ARHGAP26: variants seen among roughly 807,000 people sequenced by gnomAD.
The protein encoded by ARHGAP26 is Rho GTPase activating protein 26, also known as rho GTPase-activating protein 26.
A neutral mutation model predicts 104.8 loss-of-function variants in ARHGAP26; 38 were observed. That is an observed-to-expected ratio of 0.36 (90% CI 0.28 to 0.48). ARHGAP26 has a LOEUF of 0.48. ARHGAP26 is among the 20% of genes least tolerant of loss of function. The pLI, the probability that ARHGAP26 is intolerant of heterozygous loss-of-function variation, is 0.99. For synonymous variants in ARHGAP26, 341 were observed against 340.0 expected (o/e 1.00, Z -0.03); for missense variants, 704 against 947.9 (o/e 0.74, Z 3.38).
At chr5:142,952,814 A>G (rs908777305) in intron 11 of ARHGAP26, among the ~76,000 whole-genome samples, 11 of 152,032 alleles carry the variant, frequency 7.2e-5, no homozygotes, top group African/African-American at 2.2e-4. Context: ...GGTTCAAGCA[A>G]TTCTCTGCCT....
At position 143,163,930 on chromosome 5, in the gene ARHGAP26, G is replaced by GA. The variant is rs536794425; in HGVS notation, c.1988+16555dup. Among the ~76,000 whole-genome samples the GA allele has an allele frequency of 3.6e-3, 543 of 151,934 alleles. 3 individuals are homozygous for GA. Among genetic ancestry groups the GA allele is most frequent in the African/African-American group, 0.013 (524 of 41,462 alleles). ...TGGACTATAAGAATGACATAGAAAGGAAAAAATATCACAAAGAATGAAAAG... is the reference window on the plus strand; with the variant it reads ...TGGACTATAAGAATGACATAGAAAGGAAAAAAATATCACAAAGAATGAAAAG... On this transcript the variant is annotated intron_variant, in intron 20 of 22. Coordinates refer to ENST00000645722, the MANE Select transcript of ARHGAP26 (RefSeq NM_001135608.3).
At chr5:142,855,562 C>T (rs916089534) in intron 1 of ARHGAP26, among the ~76,000 whole-genome samples, 8 of 152,182 alleles carry the variant, frequency 5.3e-5, no homozygotes, top group African/African-American at 1.9e-4. Flanking sequence ...TCTGTCCAAC[C>T]ATCTGTGTGT....
rs546825516 is a variant in ARHGAP26 at position 143,145,692 on chromosome 5, A to G, written c.1838-1539A>G. 2.0e-5 allele frequency among the ~76,000 whole-genome samples: 3 copies of G among 152,322 alleles called. No individual in the cohort carries two copies. In the South Asian group the frequency reaches 6.2e-4, roughly 32 times the overall value. ...TGTTCAAAAACGAAGCTCTTAAAAT[A>G]TGAACAGTTTTAAATCTCAGGCATC... On this transcript the variant is annotated intron_variant, in intron 19 of 22. Coordinates refer to ENST00000645722, the MANE Select transcript of ARHGAP26 (RefSeq NM_001135608.3).
intron 1 of ARHGAP26, among the ~76,000 whole-genome samples, chr5:142,835,807 GATA>G (rs1769442110): frequency 6.6e-6 from 1 of 152,122 alleles, no homozygotes; most frequent in South Asian, 2.1e-4. Flanking sequence ...CCAAGAGATG[GATA>G]ATAATAATTT....
At chr5:142,950,637 C>T (rs1768180193) in intron 11 of ARHGAP26, among the ~76,000 whole-genome samples, 1 of 152,092 alleles carries the variant, frequency 6.6e-6, no homozygotes, top group Admixed American at 6.5e-5. Flanking sequence ...GAGTTATTGA[C>T]CCAGAAAGTC....
Position 143,227,970 on chromosome 5 carries a change from G to A in ARHGAP26, c.*5524G>A, listed in dbSNP as rs962294482. 4 of 221,214 alleles carry A rather than the reference G, an allele frequency of 1.8e-5. No homozygotes were observed. The highest frequency in any genetic ancestry group is 3.6e-5 in the Non-Finnish European group (4 of 110,518). The allele number at this position is 221,214 out of a possible 1,614,324, so 13.7% of individuals were successfully genotyped here. A position where few individuals can be genotyped will look rare whatever the true frequency, so the allele number is the denominator to read the frequency against. On this transcript the variant is annotated 3_prime_UTR_variant, in exon 23 of 23. Transcript: ENST00000645722. ...AGGTGGAATGCTTTAGAGAGCAAAG[G>A]CTTAGCATAGACCTAGACCCTTGTG...
At chr5:142,805,592 T>C (rs985192931) in intron 1 of ARHGAP26, among the ~76,000 whole-genome samples, 2 of 152,192 alleles carry the variant, frequency 1.3e-5, no homozygotes, top group African/African-American at 4.8e-5. Flanking sequence ...TAGCAGGTTT[T>C]TGAGGAGGGA....
chr5:142,904,868 A>G (rs1433998114), intron 8 of ARHGAP26, among the ~76,000 whole-genome samples: 1 of 152,184 alleles, frequency 6.6e-6, no homozygotes, highest in African/African-American at 2.4e-5. Flanking sequence ...CTTCACTCCT[A>G]ATAGCTTTCC....
chr5:143,098,307 A>G (rs1792709240), intron 17 of ARHGAP26, among the ~76,000 whole-genome samples: 2 of 152,210 alleles, frequency 1.3e-5, no homozygotes, highest in South Asian at 4.1e-4. Flanking sequence ...CTAAGCATAC[A>G]ATTCCGCAAT....
At chr5:142,978,189 T>TG (rs1345121108) in intron 11 of ARHGAP26, among the ~76,000 whole-genome samples, 2 of 152,210 alleles carry the variant, frequency 1.3e-5, no homozygotes, top group African/African-American at 4.8e-5. Flanking sequence ...TCAGAGGGGC[T>TG]TAGGGTTTGC....
intron 10 of ARHGAP26, among the ~76,000 whole-genome samples, chr5:142,919,732 C>G (rs1205296134): frequency 6.6e-6 from 1 of 152,214 alleles, no homozygotes; most frequent in Non-Finnish European, 1.5e-5. Context: ...CGTGATGACT[C>G]ATGCCTGTAA....
intron 14 of ARHGAP26, among the ~76,000 whole-genome samples, chr5:143,051,951 C>A (rs778816811): frequency 2.1e-4 from 32 of 152,110 alleles, no homozygotes; most frequent in Non-Finnish European, 2.8e-4. Flanking sequence ...AGGATGGCAG[C>A]TCTCCACGTG....
intron 5 of ARHGAP26, among the ~76,000 whole-genome samples, chr5:142,893,731 C>A (rs1021043017): frequency 1.3e-5 from 2 of 152,180 alleles, no homozygotes; most frequent in Non-Finnish European, 2.9e-5. Flanking sequence ...CCCTTTTCTC[C>A]CCATCCTTAC....
chr5:142,770,694 G>A lies in ARHGAP26; in HGVS notation c.-68G>A. The A allele has an allele frequency of 9.4e-7, 1 of 1,059,718 alleles. No individual in the cohort carries two copies. Among genetic ancestry groups the A allele is most frequent in the Non-Finnish European group, 1.2e-6 (1 of 868,260 alleles). 65.6% of individuals were successfully genotyped at this position (1,059,718 alleles called of 1,614,324 possible). On this transcript the variant is annotated 5_prime_UTR_variant, in exon 1 of 23. In the 5' UTR this introduces an upstream ATG that the reference lacks. Transcript: ENST00000645722. ...AGCCGGCCGGGGTCCCGCCGCGTGAGTGCTCTGGGCGGCGGGCGGCCCGGG... is the reference window on the plus strand; with the variant it reads ...AGCCGGCCGGGGTCCCGCCGCGTGAATGCTCTGGGCGGCGGGCGGCCCGGG...
Position 142,879,272 on chromosome 5 carries a change from T to A in ARHGAP26, c.313-102T>A, listed in dbSNP as rs1392976020. The A allele has an allele frequency of 5.4e-6, 6 of 1,101,096 alleles. No individual in the cohort carries two copies. The African/African-American group carries it at 9.3e-5, about 17-fold the overall frequency. 68.2% of individuals were successfully genotyped at this position (1,101,096 alleles called of 1,614,324 possible). A position where few individuals can be genotyped will look rare whatever the true frequency, so the allele number is the denominator to read the frequency against. ...ATGTACAACACTGCCTCCCCAAATT[T>A]TATTTTAAGACATGGGGAGGCATCT... On this transcript the variant is annotated intron_variant, in intron 3 of 22. Coordinates refer to ENST00000645722, the MANE Select transcript of ARHGAP26 (RefSeq NM_001135608.3).
chr5:142,936,057 A>G (rs1436017806), intron 11 of ARHGAP26, among the ~76,000 whole-genome samples: 1 of 151,608 alleles, frequency 6.6e-6, no homozygotes, highest in Non-Finnish European at 1.5e-5. Context: ...AAAGGTATAC[A>G]ACTGCCCCCA....
At chr5:142,996,296 G>A (rs879243960) in intron 11 of ARHGAP26, among the ~76,000 whole-genome samples, 2 of 152,142 alleles carry the variant, frequency 1.3e-5, no homozygotes, top group Admixed American at 6.5e-5. Context: ...TTTGAGACCA[G>A]CCTGATTAAC....
At chr5:142,843,991 A>G (rs902551118) in intron 1 of ARHGAP26, among the ~76,000 whole-genome samples, 1 of 151,852 alleles carries the variant, frequency 6.6e-6, no homozygotes, top group African/African-American at 2.4e-5. Flanking sequence ...TGTGGGGACT[A>G]AGTGAGTTAA....
chr5:143,139,763 G>A (rs1269557938), intron 19 of ARHGAP26, among the ~76,000 whole-genome samples: 2 of 152,144 alleles, frequency 1.3e-5, no homozygotes, highest in Non-Finnish European at 2.9e-5. Flanking sequence ...GGCAGCAAAG[G>A]AGATTACTCT....
Sources: gnomAD v4.1 joint callset for allele counts (sites outside exome capture counted in the v4.1 genomes callset) on GRCh38, gnomAD v4.1.1 for gene constraint, MANE v1.5 for transcripts, NCBI Gene and HGNC (gene_info 2026-07-23, HGNC 2026-07-21) for gene names.